Variants in USP49 observed in about 807,000 individuals in gnomAD.
USP49 encodes the protein ubiquitin specific peptidase 49.
USP49 carries 24 observed loss-of-function variants against 58.6 expected under a neutral mutation model. That is an observed-to-expected ratio of 0.41 (90% CI 0.30 to 0.58). USP49 has a LOEUF of 0.58. USP49 is among the 20% of genes least tolerant of loss of function. The pLI is 0.30. For synonymous variants in USP49, 408 were observed against 365.1 expected, an observed-to-expected ratio of 1.12 and a Z score of -1.34; for missense variants, 703 against 866.1, an observed-to-expected ratio of 0.81 and a Z score of 2.36.
At chr6:41,849,540 G>C (rs1773984386) in intron 3 of USP49, among the ~76,000 whole-genome samples, 1 of 151,966 alleles carries the variant, frequency 6.6e-6, no homozygotes, top group Admixed American at 6.6e-5. Flanking sequence ...AAAGACCAAT[G>C]TTAGGCCACA....
At chr6:41,872,640 T>G (rs1774431791) in intron 2 of USP49, among the ~76,000 whole-genome samples, 1 of 151,704 alleles carries the variant, frequency 6.6e-6, no homozygotes, top group Admixed American at 6.6e-5. Context: ...GGCTCACATC[T>G]GTAATCCCAG....
intron 3 of USP49, among the ~76,000 whole-genome samples, chr6:41,816,169 C>CACAG (rs527392718): frequency 1.1e-3 from 173 of 152,296 alleles, no homozygotes; most frequent in African/African-American, 3.9e-3. Context: ...GAGAGAGACA[C>CACAG]ACAGACAGAC....
In USP49 at chr6:41,796,440, G is replaced by C. The variant is rs1181699462; in HGVS notation, c.*93C>G. 1 of 638,810 alleles carries C rather than the reference G, an allele frequency of 1.6e-6. No homozygotes were observed. Among genetic ancestry groups the C allele is most frequent in the East Asian group, 2.7e-5 (1 of 36,710 alleles). 39.6% of individuals were successfully genotyped at this position (638,810 alleles called of 1,614,324 possible). On this transcript the variant is annotated 3_prime_UTR_variant, in exon 8 of 8. Coordinates refer to ENST00000682992, the MANE Select transcript of USP49 (RefSeq NM_001286554.2). ...CTCTAGACCCAGCAAGGCAAACCTA[G>C]TAATCTGTTCCTGCAGTAGCCTTAT... is the stretch of plus-strand genomic sequence containing the variant.
At chr6:41,843,065 C>T (rs756535467) in intron 3 of USP49, among the ~76,000 whole-genome samples, 28 of 152,080 alleles carry the variant, frequency 1.8e-4, no homozygotes, top group Non-Finnish European at 3.2e-4. Context: ...TGTGCCACTG[C>T]ACCCAGCCAT....
chr6:41,853,931 G>A lies in USP49; in HGVS notation c.-29+17633C>T, dbSNP rs140703558. 7.5e-3 allele frequency among the ~76,000 whole-genome samples: 1,115 copies of A among 148,962 alleles called. 10 individuals are homozygous for A. Among genetic ancestry groups the A allele is most frequent in the Non-Finnish European group, 0.011 (724 of 67,390 alleles). On this transcript the variant is annotated intron_variant, in intron 3 of 7. Coordinates refer to ENST00000682992, the MANE Select transcript of USP49 (RefSeq NM_001286554.2). Reference sequence around the variant, plus strand: ...GGAGAATTGCTTGAACCCGGGAGGCGGAGGTTGAGGTGAGCCAAGATTGCG... The same window carrying A: ...GGAGAATTGCTTGAACCCGGGAGGCAGAGGTTGAGGTGAGCCAAGATTGCG...
At chr6:41,807,105 G>A in intron 3 of USP49, 94 bp from the exon 4 acceptor site, 1 of 1,199,524 alleles carries the variant, frequency 8.3e-7, no homozygotes, top group Non-Finnish European at 1.1e-6. Context: ...TAAAAGGCTT[G>A]CAATTGATAT....
At chr6:41,844,812 T>C (rs1041442593) in intron 3 of USP49, among the ~76,000 whole-genome samples, 2 of 152,242 alleles carry the variant, frequency 1.3e-5, no homozygotes, top group Non-Finnish European at 1.5e-5. Context: ...ACTGTTAATA[T>C]ACGTGAGTGG....
At chr6:41,878,007 AC>A (rs928015262) in intron 2 of USP49, among the ~76,000 whole-genome samples, 1 of 151,908 alleles carries the variant, frequency 6.6e-6, no homozygotes, top group African/African-American at 2.4e-5. Flanking sequence ...GGCTCAAGCG[AC>A]CCTCCCACCT....
At chr6:41,846,587 A>C (rs941042878) in intron 3 of USP49, among the ~76,000 whole-genome samples, 2 of 152,218 alleles carry the variant, frequency 1.3e-5, no homozygotes, top group Non-Finnish European at 2.9e-5. Flanking sequence ...TAGTGTGTTA[A>C]CAACAATATA....
chr6:41,827,588 A>T (rs1773561792), intron 3 of USP49, among the ~76,000 whole-genome samples: 1 of 149,774 alleles, frequency 6.7e-6, no homozygotes, highest in Middle Eastern at 3.2e-3. Flanking sequence ...TGAACCCAGA[A>T]GGCAGAAGTT....
intron 3 of USP49, among the ~76,000 whole-genome samples, chr6:41,811,316 A>G (rs1263933154): frequency 1.3e-5 from 2 of 152,146 alleles, no homozygotes; most frequent in Admixed American, 6.6e-5. Context: ...GGTTTCGGTC[A>G]CCTGTGGTGC....
chr6:41,884,035 T>C (rs1468194400), intron 2 of USP49, among the ~76,000 whole-genome samples: 1 of 152,158 alleles, frequency 6.6e-6, no homozygotes, highest in African/African-American at 2.4e-5. Context: ...TTTTTTTGTT[T>C]TTTTTTTAGA....
At chr6:41,862,843 G>A (rs1774246990) in intron 3 of USP49, among the ~76,000 whole-genome samples, 2 of 151,440 alleles carry the variant, frequency 1.3e-5, no homozygotes, top group Non-Finnish European at 2.9e-5. Flanking sequence ...GTGTGATCTC[G>A]GCTCACTGCA....
intron 3 of USP49, among the ~76,000 whole-genome samples, chr6:41,860,522 A>AT (rs1774201858): frequency 6.6e-6 from 1 of 151,848 alleles, no homozygotes; most frequent in African/African-American, 2.4e-5. Flanking sequence ...TTATTTATTT[A>AT]TTTTGAGATG....
At chr6:41,808,059 G>A (rs1427847650) in intron 3 of USP49, among the ~76,000 whole-genome samples, 7 of 152,166 alleles carry the variant, frequency 4.6e-5, no homozygotes, top group Non-Finnish European at 1.0e-4. Context: ...ATACAGGCAC[G>A]AGCCACTGCG....
At chr6:41,825,842 T>TA (rs1773529074) in intron 3 of USP49, among the ~76,000 whole-genome samples, 1 of 152,178 alleles carries the variant, frequency 6.6e-6, no homozygotes, top group African/African-American at 2.4e-5. Flanking sequence ...CAAGGGTAAA[T>TA]AAAGAATAGC....
chr6:41,856,824 G>T (rs1296588631), intron 3 of USP49, among the ~76,000 whole-genome samples: 2 of 152,104 alleles, frequency 1.3e-5, no homozygotes, highest in Non-Finnish European at 2.9e-5. Context: ...ACAGCATATT[G>T]TTATAGTTGT....
At chr6:41,812,595 A>C (rs192362072) in intron 3 of USP49, among the ~76,000 whole-genome samples, 1 of 152,078 alleles carries the variant, frequency 6.6e-6, no homozygotes, top group African/African-American at 2.4e-5. Context: ...TGGGAGGCTG[A>C]GGCAGGAGAA....
chr6:41,856,943 G>A (rs567466983), intron 3 of USP49, among the ~76,000 whole-genome samples: 3 of 152,272 alleles, frequency 2.0e-5, no homozygotes, highest in African/African-American at 7.2e-5. Flanking sequence ...GTTCACTACT[G>A]TCCCGTGGTG....
Sources: gnomAD v4.1 joint callset for allele counts (sites outside exome capture counted in the v4.1 genomes callset) on GRCh38, gnomAD v4.1.1 for gene constraint, MANE v1.5 for transcripts, NCBI Gene and HGNC (gene_info 2026-07-23, HGNC 2026-07-21) for gene names.